Variants in ADAMTSL1 observed in about 807,000 individuals in gnomAD.
The protein encoded by ADAMTSL1 is ADAMTS-like protein 1.
In ADAMTSL1, 126 loss-of-function variants were observed where a neutral mutation model predicts 201.8. That is an observed-to-expected ratio of 0.62 (90% CI 0.54 to 0.72). The LOEUF (loss-of-function observed/expected upper bound fraction) is 0.72, where lower values mean the gene tolerates loss of function less well. Among genes scored for constraint, ADAMTSL1 ranks in the 30% least tolerant of loss-of-function variants. The probability of loss-of-function intolerance (pLI) is 0.00; values close to 1 mark genes in which losing one functional copy is unlikely to be tolerated. For missense variants in ADAMTSL1, 2,679 were observed against 2,277.8 expected (o/e 1.18, Z -3.59); for synonymous variants, 1,121 against 903.4 (o/e 1.24, Z -4.32).
chr9:18,575,288 C>T (rs1822636683), intron 4 of ADAMTSL1, among the ~76,000 whole-genome samples: 1 of 152,122 alleles, frequency 6.6e-6, no homozygotes, highest in East Asian at 1.9e-4. Context: ...GGGAAACAAA[C>T]ATAGTCAACC....
At chr9:18,882,037 ATATTCCTCTTATTTAG>A (rs1381362221) in intron 23 of ADAMTSL1, among the ~76,000 whole-genome samples, 1 of 152,084 alleles carries the variant, frequency 6.6e-6, no homozygotes, top group African/African-American at 2.4e-5. Flanking sequence ...TTTTGTGCAA[ATATTCCTCTTATTTAG>A]TATTCCTCTT....
chr9:18,682,599 C>A (rs1830570273), intron 12 of ADAMTSL1, among the ~76,000 whole-genome samples: 1 of 152,060 alleles, frequency 6.6e-6, no homozygotes, highest in African/African-American at 2.4e-5. Context: ...GATTTCTGTA[C>A]AAGTATTGTT....
intron 13 of ADAMTSL1, among the ~76,000 whole-genome samples, chr9:18,689,674 G>A (rs1019532246): frequency 3.3e-5 from 5 of 152,194 alleles, no homozygotes; most frequent in Non-Finnish European, 5.9e-5. Flanking sequence ...TTCAGTTGCC[G>A]TAGTTCTTCA....
At chr9:18,528,852 C>T (rs919982249) in intron 2 of ADAMTSL1, among the ~76,000 whole-genome samples, 4 of 151,998 alleles carry the variant, frequency 2.6e-5, no homozygotes, top group Non-Finnish European at 4.4e-5. Flanking sequence ...TATCATTTGT[C>T]TATAGCTTTT....
chr9:17,998,379 AG>A (rs1281368607), intron 1 of ADAMTSL1, among the ~76,000 whole-genome samples: 9 of 151,990 alleles, frequency 5.9e-5, no homozygotes, highest in Non-Finnish European at 1.0e-4. Context: ...AGGCAGAGCT[AG>A]GGTAGATAGG....
intron 1 of ADAMTSL1, among the ~76,000 whole-genome samples, chr9:17,954,470 T>G (rs1284246128): frequency 6.6e-6 from 1 of 152,220 alleles, no homozygotes. Flanking sequence ...GACTTCTATT[T>G]CATTGCATAT....
rs1278713392 is a variant in ADAMTSL1 at position 18,681,706 on chromosome 9, G to GT, written c.1342-106_1342-105insT. On this transcript the variant is annotated intron_variant, in intron 11 of 28. Transcript: ENST00000380548. Reference sequence around the variant, plus strand: ...ACCAGGAGTCCTCGTGTGGGGGGGGGGGGCGGGGAAAAAGAAAACTTAGAT... The same window carrying GT: ...ACCAGGAGTCCTCGTGTGGGGGGGGGTGGGCGGGGAAAAAGAAAACTTAGAT... The GT allele has an allele frequency of 1.8e-5, 10 of 569,210 alleles. 2 individuals are homozygous for GT. The highest frequency in any genetic ancestry group is 1.4e-4 in the African/African-American group (5 of 34,674). The allele number at this position is 569,210 out of a possible 1,614,324, so 35.3% of individuals were successfully genotyped here.
intron 1 of ADAMTSL1, among the ~76,000 whole-genome samples, chr9:18,041,771 C>T (rs969179467): frequency 6.6e-6 from 1 of 151,932 alleles, no homozygotes; most frequent in Non-Finnish European, 1.5e-5. Context: ...TTTGTACATA[C>T]AGATTTAAAA....
intron 1 of ADAMTSL1, among the ~76,000 whole-genome samples, chr9:18,061,730 A>T (rs1292608025): frequency 6.6e-6 from 1 of 152,234 alleles, no homozygotes; most frequent in African/African-American, 2.4e-5. Flanking sequence ...TTTGAAAACA[A>T]GTTCCACTTC....
intron 2 of ADAMTSL1, among the ~76,000 whole-genome samples, chr9:18,337,340 G>A (rs183777844): frequency 2.6e-5 from 4 of 152,168 alleles, no homozygotes; most frequent in Non-Finnish European, 5.9e-5. Context: ...TGAGGTTTTG[G>A]GACTTGGACG....
intron 1 of ADAMTSL1, among the ~76,000 whole-genome samples, chr9:17,908,191 C>G (rs1216651385): frequency 3.3e-5 from 5 of 152,126 alleles, no homozygotes; most frequent in African/African-American, 1.2e-4. Context: ...ATATGACAAA[C>G]AGTTGGAAAA....
At chr9:18,092,290 G>T (rs533359540) in intron 1 of ADAMTSL1, among the ~76,000 whole-genome samples, 1 of 152,272 alleles carries the variant, frequency 6.6e-6, no homozygotes, top group African/African-American at 2.4e-5. Context: ...GAGAGCACAG[G>T]AGAGACAGAG....
intron 1 of ADAMTSL1, among the ~76,000 whole-genome samples, chr9:18,098,061 T>C (rs1824332957): frequency 6.6e-6 from 1 of 152,072 alleles, no homozygotes; most frequent in African/African-American, 2.4e-5. Context: ...ATGCAGTTTT[T>C]ACAGAAACAT....
intron 2 of ADAMTSL1, among the ~76,000 whole-genome samples, chr9:18,345,033 C>G (rs1224889257): frequency 6.6e-6 from 1 of 152,150 alleles, no homozygotes; most frequent in African/African-American, 2.4e-5. Flanking sequence ...CCAGGTGACT[C>G]TGACCTCCTT....
intron 2 of ADAMTSL1, among the ~76,000 whole-genome samples, chr9:18,207,647 T>C (rs1050739514): frequency 5.3e-5 from 8 of 152,184 alleles, no homozygotes; most frequent in African/African-American, 1.9e-4. Flanking sequence ...ATGCTAGTCA[T>C]TTTAGGCGCC....
intron 1 of ADAMTSL1, among the ~76,000 whole-genome samples, chr9:18,128,734 C>G (rs959097604): frequency 3.3e-5 from 5 of 152,074 alleles, no homozygotes; most frequent in South Asian, 2.1e-4. Context: ...CTCTCTCCCC[C>G]CTTTTTTTCA....
At position 18,504,889 on chromosome 9, in the gene ADAMTSL1, T is replaced by C. The variant is rs368626488; in HGVS notation, c.124T>C (p.Trp42Arg). Residue 42 changes from tryptophan (W) to arginine (R), a missense_variant, in exon 2 of 29, where the codon TGG becomes CGG. Coordinates refer to ENST00000380548, the MANE Select transcript of ADAMTSL1 (RefSeq NM_001040272.6). ...RDGLWDAWGPWSECSRTCGGG... is the reference protein window; with the variant it reads ...RDGLWDAWGPRSECSRTCGGG... ...CGGCCTATGGGATGCCTGGGGCCCA[T>C]GGAGTGAATGCTCACGCACCTGCGG... 1.1e-5 allele frequency: 18 copies of C among 1,613,338 alleles called. No individual in the cohort carries two copies. Among genetic ancestry groups the C allele is most frequent in the East Asian group, 2.2e-5 (1 of 44,874 alleles).
rs552472049 is a variant in ADAMTSL1 at position 18,892,151 on chromosome 9, C to G, written c.4644-238C>G. On this transcript the variant is annotated intron_variant, in intron 25 of 28. Coordinates refer to ENST00000380548, the MANE Select transcript of ADAMTSL1 (RefSeq NM_001040272.6). The stretch of plus-strand genomic sequence containing the variant: ...AATCCAAGATAATCTTATCTCAAGT[C>G]CATAATTACATCTGGAAAGAACCTT... Among the ~76,000 whole-genome samples the G allele has an allele frequency of 5.9e-5, 9 of 152,364 alleles. No individual in the cohort carries two copies. The East Asian group carries it at 1.7e-3, about 29-fold the overall frequency.
At chr9:18,739,245 C>T (rs935849586) in intron 15 of ADAMTSL1, among the ~76,000 whole-genome samples, 1 of 152,052 alleles carries the variant, frequency 6.6e-6, no homozygotes, top group Non-Finnish European at 1.5e-5. Flanking sequence ...AGTTGGCATT[C>T]AAAAAGGGTA....
Sources: gnomAD v4.1 joint callset for allele counts (sites outside exome capture counted in the v4.1 genomes callset) on GRCh38, gnomAD v4.1.1 for gene constraint, MANE v1.5 for transcripts, NCBI Gene and HGNC (gene_info 2026-07-23, HGNC 2026-07-21) for gene names.